SLCO1B3: variants seen among roughly 807,000 people sequenced by gnomAD.
SLCO1B3 encodes solute carrier organic anion transporter family member 1B3.
SLCO1B3 carries 72 observed loss-of-function variants against 71.8 expected under a neutral mutation model. That is an observed-to-expected ratio of 1.00 (90% CI 0.83 to 1.22). The LOEUF (loss-of-function observed/expected upper bound fraction) is 1.22, where lower values mean the gene tolerates loss of function less well. SLCO1B3 is among the 50% of genes most tolerant of loss of function. The pLI, the probability that SLCO1B3 is intolerant of heterozygous loss-of-function variation, is 0.00. For missense variants in SLCO1B3, 911 were observed against 819.7 expected (o/e 1.11, Z -1.36); for synonymous variants, 298 against 278.4 (o/e 1.07, Z -0.70).
At chr12:20,888,151 G>T (rs957475845) in intron 13 of SLCO1B3, among the ~76,000 whole-genome samples, 1 of 151,910 alleles carries the variant, frequency 6.6e-6, no homozygotes, top group Admixed American at 6.6e-5. Flanking sequence ...TTGAAGTCAG[G>T]TAATGTGATA....
chr12:20,914,037 T>G (rs539312415), intron 15 of SLCO1B3, among the ~76,000 whole-genome samples: 185 of 152,290 alleles, frequency 1.2e-3, no homozygotes, highest in Non-Finnish European at 2.0e-3. Flanking sequence ...GTGCTGGGAT[T>G]ACAGGCATGA....
Position 20,810,811 on chromosome 12 carries a change from G to T in SLCO1B3, c.-181+47G>T, listed in dbSNP as rs572196295. 2.0e-5 allele frequency: 3 copies of T among 152,270 alleles called. No individual in the cohort carries two copies. The East Asian group carries it at 5.8e-4, about 29-fold the overall frequency. The allele number at this position is 152,270 out of a possible 1,614,324, so 9.4% of individuals were successfully genotyped here. On this transcript the variant is annotated intron_variant, in intron 1 of 15. Transcript: ENST00000381545. ...TAATTAAAACATTTCTTTTATGTAA[G>T]AAATTTTAACAAATTTCAGTGAAAA... is the stretch of plus-strand genomic sequence containing the variant.
At chr12:20,902,753 G>A (rs1345555245) in intron 15 of SLCO1B3, among the ~76,000 whole-genome samples, 3 of 152,100 alleles carry the variant, frequency 2.0e-5, no homozygotes, top group Non-Finnish European at 4.4e-5. Flanking sequence ...AATGTCCTAT[G>A]TATATAAGGA....
intron 3 of SLCO1B3, among the ~76,000 whole-genome samples, chr12:20,838,435 A>T (rs540734208): frequency 6.6e-6 from 1 of 152,116 alleles, no homozygotes; most frequent in South Asian, 2.1e-4. Flanking sequence ...GTGCATTTAG[A>T]TAATTGATGT....
At chr12:20,821,857 G>A (rs1486593518) in intron 3 of SLCO1B3, among the ~76,000 whole-genome samples, 5 of 152,220 alleles carry the variant, frequency 3.3e-5, no homozygotes, top group South Asian at 2.1e-4. Flanking sequence ...TTCCCAGTCC[G>A]TGACCGGCAC....
chr12:20,836,055 G>A (rs1072365), intron 3 of SLCO1B3, among the ~76,000 whole-genome samples: 19,882 of 152,208 alleles, frequency 0.13, 1,610 homozygotes, highest in Non-Finnish European at 0.18. Context: ...GCAGAAGAGT[G>A]TGTACAGGAG....
At chr12:20,914,205 C>T (rs1257139901) in intron 15 of SLCO1B3, among the ~76,000 whole-genome samples, 1 of 152,132 alleles carries the variant, frequency 6.6e-6, no homozygotes, top group Non-Finnish European at 1.5e-5. Flanking sequence ...ATTCCACTCT[C>T]TGTCTTCCCG....
Position 20,855,178 on chromosome 12 carries a change from T to C in SLCO1B3, c.226+9T>C, listed in dbSNP as rs1440716738. 6.3e-7 allele frequency: 1 copy of C among 1,595,598 alleles called. No homozygotes were observed. Among genetic ancestry groups the C allele is most frequent in the Admixed American group, 1.7e-5 (1 of 57,898 alleles). On this transcript the variant is annotated intron_variant, in intron 4 of 15. Coordinates refer to ENST00000381545, the MANE Select transcript of SLCO1B3 (RefSeq NM_019844.4). ...TGGAAGCTTTGAAATTGGTAACTTT[T>C]ATTTTTTCTATTTGATAACCATACT...
At chr12:20,883,278 T>A (rs193108801) in intron 12 of SLCO1B3, 140 bp from the exon 13 acceptor site, 1 of 487,756 alleles carries the variant, frequency 2.1e-6, no homozygotes, top group East Asian at 3.6e-5. Context: ...TTGCCTTCAC[T>A]ATTAAGCAAC....
chr12:20,879,383 C>A, intron 10 of SLCO1B3, 53 bp from the exon 11 acceptor site: 2 of 1,284,114 alleles, frequency 1.6e-6, no homozygotes, highest in Non-Finnish European at 2.2e-6. Context: ...AAAGACATAT[C>A]AGAAAAACCA....
At chr12:20,897,475 C>A (rs1866035570) in intron 13 of SLCO1B3, among the ~76,000 whole-genome samples, 1 of 152,108 alleles carries the variant, frequency 6.6e-6, no homozygotes, top group Non-Finnish European at 1.5e-5. Context: ...AACAAGGAAA[C>A]TGAGGCTAAG....
At chr12:20,841,221 C>G (rs147885935) in intron 3 of SLCO1B3, among the ~76,000 whole-genome samples, 1 of 152,116 alleles carries the variant, frequency 6.6e-6, no homozygotes, top group Non-Finnish European at 1.5e-5. Flanking sequence ...ATGTCCTCAT[C>G]TCTTTTATGG....
chr12:20,839,540 A>T (rs1864752852), intron 3 of SLCO1B3, among the ~76,000 whole-genome samples: 1 of 152,070 alleles, frequency 6.6e-6, no homozygotes, highest in Non-Finnish European at 1.5e-5. Flanking sequence ...GTTCCTATAT[A>T]GGTAAGGATA....
chr12:20,823,292 A>G (rs373835328), intron 3 of SLCO1B3, among the ~76,000 whole-genome samples: 126 of 152,308 alleles, frequency 8.3e-4, no homozygotes, highest in African/African-American at 3.0e-3. Context: ...AGTAATTTCA[A>G]ATTGGACAAT....
chr12:20,874,943 A>G (rs895171328), intron 8 of SLCO1B3, among the ~76,000 whole-genome samples: 2 of 152,298 alleles, frequency 1.3e-5, no homozygotes, highest in East Asian at 3.9e-4. Flanking sequence ...TAAATGTCCA[A>G]TGATGACAGC....
At chr12:20,820,543 A>T (rs1864276380) in intron 3 of SLCO1B3, among the ~76,000 whole-genome samples, 1 of 152,100 alleles carries the variant, frequency 6.6e-6, no homozygotes, top group Non-Finnish European at 1.5e-5. Context: ...TGTGTGCTGG[A>T]GATGTGGCTG....
chr12:20,853,246 T>G (rs1253746458), intron 3 of SLCO1B3, among the ~76,000 whole-genome samples: 4 of 152,056 alleles, frequency 2.6e-5, no homozygotes, highest in African/African-American at 9.7e-5. Flanking sequence ...TTTATGTTAT[T>G]TTGGTATTAG....
intron 9 of SLCO1B3, among the ~76,000 whole-genome samples, chr12:20,877,136 A>G (rs1176344014): frequency 6.6e-6 from 1 of 152,120 alleles, no homozygotes; most frequent in Admixed American, 6.6e-5. Context: ...CAGCCAATTA[A>G]TGGATTTTCT....
intron 3 of SLCO1B3, among the ~76,000 whole-genome samples, chr12:20,850,006 G>C (rs746131869): frequency 6.9e-6 from 1 of 145,752 alleles, no homozygotes; most frequent in Non-Finnish European, 1.5e-5. Flanking sequence ...CAGATTTACC[G>C]CACATTCTAT....
Sources: gnomAD v4.1 joint callset for allele counts (sites outside exome capture counted in the v4.1 genomes callset) on GRCh38, gnomAD v4.1.1 for gene constraint, MANE v1.5 for transcripts, NCBI Gene and HGNC (gene_info 2026-07-23, HGNC 2026-07-21) for gene names.